Variants in ZNF148 observed in about 807,000 individuals in gnomAD.
The protein encoded by ZNF148 is Beta-Enolase Repressor Factor-1.
Under a neutral mutation model 67.7 loss-of-function variants are expected in ZNF148, and 7 were observed. The observed-to-expected ratio is 0.10, with a 90% CI of 0.06 to 0.19. ZNF148 has a LOEUF of 0.19. Among genes scored for constraint, ZNF148 ranks in the 10% least tolerant of loss-of-function variants. ZNF148 has a pLI of 1.00. For missense variants in ZNF148, 583 were observed against 947.1 expected, an observed-to-expected ratio of 0.62 and a Z score of 5.05; for synonymous variants, 333 against 330.7, an observed-to-expected ratio of 1.01 and a Z score of -0.08.
chr3:125,284,803 T>C (rs1938569862), intron 5 of ZNF148, among the ~76,000 whole-genome samples: 1 of 151,980 alleles, frequency 6.6e-6, no homozygotes, highest in South Asian at 2.1e-4. Flanking sequence ...TGATGTTCCC[T>C]AGCTCAGTTA....
intron 4 of ZNF148, among the ~76,000 whole-genome samples, chr3:125,304,643 G>T (rs1217622960): frequency 1.3e-5 from 2 of 152,126 alleles, no homozygotes; most frequent in South Asian, 4.1e-4. Flanking sequence ...GGTAGCAGTA[G>T]GAACTCATGG....
chr3:125,332,858 T>G (rs1434694287), intron 1 of ZNF148, among the ~76,000 whole-genome samples: 1 of 152,240 alleles, frequency 6.6e-6, no homozygotes, highest in Non-Finnish European at 1.5e-5. Flanking sequence ...TGTTTCTGCA[T>G]TGCACTGCTT....
At chr3:125,262,826 A>G (rs1937401928) in intron 7 of ZNF148, among the ~76,000 whole-genome samples, 1 of 152,258 alleles carries the variant, frequency 6.6e-6, no homozygotes, top group African/African-American at 2.4e-5. Context: ...ACCAGAGCAA[A>G]TGAAGTTCAC....
chr3:125,274,979 A>G (rs1222244183), intron 7 of ZNF148, among the ~76,000 whole-genome samples: 1 of 152,238 alleles, frequency 6.6e-6, no homozygotes, highest in Non-Finnish European at 1.5e-5. Flanking sequence ...TCCAAAAATA[A>G]AAGTCACTTA....
chr3:125,261,912 T>C (rs1937361472), intron 7 of ZNF148, among the ~76,000 whole-genome samples: 1 of 151,420 alleles, frequency 6.6e-6, no homozygotes, highest in Non-Finnish European at 1.5e-5. Context: ...AAGGATACTG[T>C]ATACAAACTC....
intron 7 of ZNF148, among the ~76,000 whole-genome samples, chr3:125,248,376 G>A (rs991255954): frequency 1.2e-4 from 18 of 152,122 alleles, no homozygotes; most frequent in African/African-American, 4.1e-4. Context: ...CAGCAGTGAA[G>A]GCTACATTAA....
intron 1 of ZNF148, among the ~76,000 whole-genome samples, chr3:125,374,499 T>C (rs1380084583): frequency 1.3e-5 from 2 of 151,988 alleles, no homozygotes; most frequent in Non-Finnish European, 1.5e-5. Context: ...ATCTGCACAA[T>C]GAACACCCCC....
chr3:125,270,963 T>C (rs1299787610), intron 7 of ZNF148, among the ~76,000 whole-genome samples: 5 of 152,236 alleles, frequency 3.3e-5, no homozygotes, highest in Admixed American at 2.6e-4. Flanking sequence ...CTTAACTATG[T>C]TGTTCCATTT....
At chr3:125,324,455 T>C (rs538777013) in intron 2 of ZNF148, among the ~76,000 whole-genome samples, 11 of 152,308 alleles carry the variant, frequency 7.2e-5, no homozygotes, top group African/African-American at 2.2e-4. Flanking sequence ...TAAAATCATA[T>C]GGAAAATTTT....
chr3:125,328,753 T>C (rs1941139147), intron 2 of ZNF148, among the ~76,000 whole-genome samples: 1 of 151,956 alleles, frequency 6.6e-6, no homozygotes, highest in Non-Finnish European at 1.5e-5. Context: ...ACACACATTA[T>C]GGCCAATAAT....
At chr3:125,364,033 T>G (rs1942627204) in intron 1 of ZNF148, among the ~76,000 whole-genome samples, 1 of 152,194 alleles carries the variant, frequency 6.6e-6, no homozygotes, top group Admixed American at 6.5e-5. Context: ...ATTAGTATTC[T>G]TAAATAGTCT....
intron 1 of ZNF148, among the ~76,000 whole-genome samples, chr3:125,355,809 T>C (rs1177757776): frequency 6.6e-6 from 1 of 152,070 alleles, no homozygotes; most frequent in Non-Finnish European, 1.5e-5. Flanking sequence ...AATTAAATAT[T>C]GTTGTGTGTG....
chr3:125,258,352 G>C (rs1937187592), intron 7 of ZNF148, among the ~76,000 whole-genome samples: 1 of 149,968 alleles, frequency 6.7e-6, no homozygotes, highest in Non-Finnish European at 1.5e-5. Context: ...GTGAACCCGG[G>C]AGGCAGAGCT....
rs78437766 is a variant in ZNF148, at chr3:125,301,176, T to C, written c.333+12132A>G. ...TAAAATCTAATTTAAATGTCTAAAA[T>C]ATTAAAAAACAAAGTTCTAATGAGA... On this transcript the variant is annotated intron_variant, in intron 4 of 8. Transcript: ENST00000360647. Among the ~76,000 whole-genome samples the C allele has an allele frequency of 5.5e-3, 845 of 152,322 alleles. 7 individuals carry two copies. The highest frequency in any genetic ancestry group is 0.019 in the African/African-American group (799 of 41,582).
intron 7 of ZNF148, among the ~76,000 whole-genome samples, chr3:125,253,731 T>C (rs185256424): frequency 1.3e-5 from 2 of 152,304 alleles, no homozygotes; most frequent in East Asian, 3.9e-4. Flanking sequence ...TTTGCTGATA[T>C]GTGAATATTA....
chr3:125,302,403 GA>G (rs545051147), intron 4 of ZNF148, among the ~76,000 whole-genome samples: 95 of 149,764 alleles, frequency 6.3e-4, no homozygotes, highest in Non-Finnish European at 1.0e-3. Context: ...AAAAAGAAAA[GA>G]AAAAAAAAGT....
chr3:125,280,745 T>C (rs1339606944), intron 5 of ZNF148, among the ~76,000 whole-genome samples: 8 of 141,306 alleles, frequency 5.7e-5, no homozygotes, highest in African/African-American at 2.2e-4. Flanking sequence ...TCCTTTTTCA[T>C]TATTGACGAA....
chr3:125,236,104 AAAG>A (rs944605718), intron 7 of ZNF148, among the ~76,000 whole-genome samples: 13 of 151,838 alleles, frequency 8.6e-5, no homozygotes, highest in African/African-American at 3.1e-4. Context: ...TATTAAAAAA[AAAG>A]AAATAATTAT....
At chr3:125,242,547 G>A (rs1235494467) in intron 7 of ZNF148, among the ~76,000 whole-genome samples, 1 of 152,156 alleles carries the variant, frequency 6.6e-6, no homozygotes, top group Non-Finnish European at 1.5e-5. Context: ...CTTGAATCTG[G>A]TGTCGGGGAG....
Sources: allele counts gnomAD v4.1 joint callset (sites outside exome capture counted in the v4.1 genomes callset), GRCh38; gene constraint gnomAD v4.1.1; transcripts MANE v1.5; gene names NCBI Gene and HGNC (gene_info 2026-07-23, HGNC 2026-07-21).